The following DSCAM variants were observed in gnomAD, a reference collection of about 807,000 sequenced individuals.
DSCAM encodes the protein DS cell adhesion molecule, also known as cell adhesion molecule DSCAM.
Under a neutral mutation model 217.7 loss-of-function variants are expected in DSCAM, and 47 were observed. The ratio of observed to expected loss-of-function variants is 0.22; its 90% CI spans 0.17 to 0.28. The LOEUF (loss-of-function observed/expected upper bound fraction) is 0.28. DSCAM is among the 10% of genes least tolerant of loss of function. The probability of loss-of-function intolerance (pLI) is 1.00; values close to 1 mark genes in which losing one functional copy is unlikely to be tolerated. For synonymous variants in DSCAM, 1,056 were observed against 1,015.3 expected (o/e 1.04, Z -0.76); for missense variants, 2,080 against 2,618.3 (o/e 0.79, Z 4.49).
chr21:40,081,554 A>G (rs1289150088), intron 24 of DSCAM, among the ~76,000 whole-genome samples: 1 of 151,940 alleles, frequency 6.6e-6, no homozygotes, highest in Non-Finnish European at 1.5e-5. Context: ...AAGCTCCTTC[A>G]GTACCTGACA....
At chr21:40,558,737 T>C (rs2076692793) in intron 3 of DSCAM, among the ~76,000 whole-genome samples, 4 of 152,230 alleles carry the variant, frequency 2.6e-5, no homozygotes, top group Admixed American at 2.6e-4. Flanking sequence ...CTGTATATTG[T>C]AAATCCTTCA....
At chr21:40,836,443 C>G (rs1353747468) in intron 1 of DSCAM, among the ~76,000 whole-genome samples, 2 of 152,226 alleles carry the variant, frequency 1.3e-5, no homozygotes, top group Admixed American at 6.5e-5. Context: ...GCAGGATCTA[C>G]ATACCCCTCT....
intron 3 of DSCAM, among the ~76,000 whole-genome samples, chr21:40,666,423 G>A (rs1006243702): frequency 6.6e-6 from 1 of 152,120 alleles, no homozygotes; most frequent in Admixed American, 6.5e-5. Flanking sequence ...CAAGAAAGTG[G>A]CAGAGCTTGG....
At chr21:40,170,292 T>C (rs903273632) in intron 15 of DSCAM, among the ~76,000 whole-genome samples, 1 of 152,190 alleles carries the variant, frequency 6.6e-6, no homozygotes, top group African/African-American at 2.4e-5. Flanking sequence ...TGCGTGTCTG[T>C]CTTTGCATGT....
At chr21:40,579,977 A>G (rs890733768) in intron 3 of DSCAM, among the ~76,000 whole-genome samples, 4 of 152,254 alleles carry the variant, frequency 2.6e-5, no homozygotes, top group African/African-American at 9.6e-5. Context: ...CTGATTGGCT[A>G]GGGTCCGTGC....
chr21:40,263,201 T>C (rs4816678), intron 11 of DSCAM, among the ~76,000 whole-genome samples: 5,250 of 152,284 alleles, frequency 0.034, 313 homozygotes, highest in East Asian at 0.22. Flanking sequence ...TTTCTGGATA[T>C]AATGACTCAA....
At chr21:40,630,831 T>C (rs1376216202) in intron 3 of DSCAM, 2 of 151,706 alleles carry the variant, frequency 1.3e-5, no homozygotes, top group Admixed American at 1.3e-4. Flanking sequence ...CACCCAAAGG[T>C]GGACAGATCA....
chr21:40,721,692 C>T (rs142274107), intron 1 of DSCAM, among the ~76,000 whole-genome samples: 3 of 152,104 alleles, frequency 2.0e-5, no homozygotes, highest in African/African-American at 7.2e-5. Flanking sequence ...GGGCCAATAT[C>T]GTTTGGCCTA....
At chr21:40,731,936 C>T (rs1040356799) in intron 1 of DSCAM, among the ~76,000 whole-genome samples, 5 of 152,054 alleles carry the variant, frequency 3.3e-5, no homozygotes, top group East Asian at 3.9e-4. Flanking sequence ...CACGTTGGCC[C>T]GGCTGGTCTC....
At chr21:40,492,506 T>C (rs555883563) in intron 3 of DSCAM, among the ~76,000 whole-genome samples, 4 of 152,112 alleles carry the variant, frequency 2.6e-5, no homozygotes, top group Non-Finnish European at 4.4e-5. Context: ...CAGGAAACAA[T>C]AAATGATCAA....
intron 3 of DSCAM, among the ~76,000 whole-genome samples, chr21:40,676,324 A>G (rs1252377242): frequency 2.0e-5 from 3 of 152,230 alleles, no homozygotes; most frequent in Non-Finnish European, 4.4e-5. Context: ...GCAGAGTCCT[A>G]TCAAAGTCAT....
At chr21:40,108,812 A>G (rs2089856345) in intron 20 of DSCAM, among the ~76,000 whole-genome samples, 1 of 152,208 alleles carries the variant, frequency 6.6e-6, no homozygotes, top group African/African-American at 2.4e-5. Flanking sequence ...ACATAGACCA[A>G]TGGAACAGAA....
chr21:40,632,842 C>T (rs770074717), intron 3 of DSCAM, among the ~76,000 whole-genome samples: 11 of 152,130 alleles, frequency 7.2e-5, no homozygotes, highest in Non-Finnish European at 1.0e-4. Context: ...TGACCATGTG[C>T]GAATCCCTTC....
At chr21:40,196,954 T>C (rs2091016859) in intron 11 of DSCAM, among the ~76,000 whole-genome samples, 1 of 152,234 alleles carries the variant, frequency 6.6e-6, no homozygotes, top group Non-Finnish European at 1.5e-5. Flanking sequence ...GCAGATTAAT[T>C]GGATTTGCAT....
chr21:40,711,322 C>T (rs1282414406), intron 1 of DSCAM, among the ~76,000 whole-genome samples: 4 of 152,166 alleles, frequency 2.6e-5, no homozygotes, highest in Non-Finnish European at 5.9e-5. Context: ...ATGAGCCCCT[C>T]ACTTTGCCTG....
chr21:40,249,740 C>CT (rs1183324776), intron 11 of DSCAM, among the ~76,000 whole-genome samples: 3 of 152,056 alleles, frequency 2.0e-5, no homozygotes, highest in African/African-American at 7.2e-5. Flanking sequence ...GGGAGTTAAG[C>CT]TTTAGGAAAC....
In DSCAM at chr21:40,539,058, A is replaced by AG. The variant is rs551917712; in HGVS notation, c.508+153751dup. On this transcript the variant is annotated intron_variant, in intron 3 of 32. Coordinates refer to ENST00000400454, the MANE Select transcript of DSCAM (RefSeq NM_001389.5). ...ACTAGGATGGAACCTCGCTGACCAC[A>AG]GCCCAGTGATTACTTAAGGGAGTCC... Among the ~76,000 whole-genome samples, 804 of 152,310 alleles carry AG rather than the reference A, an allele frequency of 5.3e-3. 11 individuals carry two copies. The highest frequency in any genetic ancestry group is 0.018 in the African/African-American group (746 of 41,566).
intron 3 of DSCAM, among the ~76,000 whole-genome samples, chr21:40,584,787 T>C (rs533460517): frequency 2.0e-5 from 3 of 152,282 alleles, no homozygotes; most frequent in East Asian, 3.9e-4. Flanking sequence ...GTGATTCTGA[T>C]GCTCCACAGA....
chr21:40,097,911 A>G (rs2089696130), intron 20 of DSCAM, among the ~76,000 whole-genome samples: 1 of 136,118 alleles, frequency 7.3e-6, no homozygotes, highest in Non-Finnish European at 1.5e-5. Flanking sequence ...ACTGCACTCC[A>G]GCCTGGGTGA....
Sources: gnomAD v4.1 joint callset for allele counts (sites outside exome capture counted in the v4.1 genomes callset) on GRCh38, gnomAD v4.1.1 for gene constraint, MANE v1.5 for transcripts, NCBI Gene and HGNC (gene_info 2026-07-23, HGNC 2026-07-21) for gene names.